A2M: variants seen among roughly 807,000 people sequenced by gnomAD.
A2M encodes the protein alpha-2-macroglobulin.
A2M carries 128 observed loss-of-function variants against 183.9 expected under a neutral mutation model. The observed-to-expected ratio is 0.70, with a 90% confidence interval of 0.60 to 0.81. A2M has a LOEUF of 0.81. Ranked by LOEUF, A2M falls within the 30% of genes least tolerant of loss-of-function variation. The pLI, the probability that A2M is intolerant of heterozygous loss-of-function variation, is 0.00. For synonymous variants in A2M, 592 were observed against 670.8 expected (o/e 0.88, Z 1.81); for missense variants, 1,495 against 1,787.6 (o/e 0.84, Z 2.95).
chr12:9,107,477 A>G (rs751145097), intron 8 of A2M, 47 bp downstream of exon 8: 4 of 1,602,630 alleles, frequency 2.5e-6, no homozygotes, highest in Non-Finnish European at 3.4e-6. Context: ...CTGCTTTTCA[A>G]CAATGCCTTT....
chr12:9,078,858 T>G (rs776476804), intron 25 of A2M, among the ~76,000 whole-genome samples: 1 of 152,324 alleles, frequency 6.6e-6, no homozygotes, highest in Non-Finnish European at 1.5e-5. Context: ...TATTAATGAA[T>G]TCATTCCAAG....
rs1482300294 is a variant in A2M, at chr12:9,104,270, G to T, written c.1235C>A (p.Thr412Asn). ...HGLVQFSINT[T>N]NVMGTSLTVR... Reference sequence around the variant, plus strand: ...AGTAAGAGAGGTACCCATAACATTGGTGGTGTTGATAGAGAACTGTACAAG... The same window carrying T: ...AGTAAGAGAGGTACCCATAACATTGTTGGTGTTGATAGAGAACTGTACAAG... The change falls in exon 11 of 36, where the codon ACC (threonine) becomes AAC (asparagine). Residue 412 changes from threonine (T) to asparagine (N), a missense_variant. Coordinates refer to ENST00000318602, the MANE Select transcript of A2M (RefSeq NM_000014.6). The T allele has an allele frequency of 6.2e-7, 1 of 1,612,802 alleles. No individual in the cohort carries two copies. Among genetic ancestry groups the T allele is most frequent in the Middle Eastern group, 1.6e-4 (1 of 6,062 alleles).
chr12:9,086,767 A>G (rs780216988), intron 22 of A2M, among the ~76,000 whole-genome samples: 1 of 152,378 alleles, frequency 6.6e-6, no homozygotes, highest in South Asian at 2.1e-4. Flanking sequence ...TTTTCAAAGT[A>G]GCACTGGAAG....
chr12:9,080,176 AC>A lies in A2M; in HGVS notation c.2771del (p.Gly924ValfsTer10). On this transcript the variant is annotated frameshift_variant and splice_region_variant, in exon 23 of 36. Transcript: ENST00000318602. LOFTEE classifies it high-confidence loss of function. ...TTFNSLLCPS[G>X]GEVSEELSLK... ...GGGATAATTCTTCAGAAACCTCACC[AC>A]CTAGAGAAATAAGCAAATCAGACAT... The A allele has an allele frequency of 3.2e-6, 5 of 1,571,716 alleles. No individual in the cohort carries two copies. The highest frequency in any genetic ancestry group is 4.3e-6 in the Non-Finnish European group (5 of 1,154,504).
At chr12:9,074,826 A>G in intron 28 of A2M, 43 bp from the exon 29 acceptor site, 1 of 1,543,646 alleles carries the variant, frequency 6.5e-7, no homozygotes, top group Non-Finnish European at 8.8e-7. Context: ...CTACATATTT[A>G]TATTTAATTC....
intron 22 of A2M, among the ~76,000 whole-genome samples, chr12:9,083,107 G>A (rs1484295608): frequency 6.6e-6 from 1 of 152,084 alleles, no homozygotes; most frequent in African/African-American, 2.4e-5. Context: ...GGATGAAGCT[G>A]GAAACCATCA....
chr12:9,099,509 A>G lies in A2M; in HGVS notation c.1573T>C (p.Ser525Pro). The G allele has an allele frequency of 6.2e-7, 1 of 1,608,764 alleles. No homozygotes were observed. The stretch of plus-strand genomic sequence containing the variant: ...TCTGACTTCACAGGGATTGAGATGG[A>G]AAAATGGCCCTTCACTGGGGCACAA... Reference protein sequence around the residue: ...VKQEDMKGHFSISIPVKSDIA... With the variant: ...VKQEDMKGHFPISIPVKSDIA... The change falls in exon 14 of 36, where the codon TCC becomes CCC. Residue 525 changes from serine (S) to proline (P), a missense_variant. Coordinates refer to ENST00000318602, the MANE Select transcript of A2M (RefSeq NM_000014.6).
At chr12:9,088,255 GT>G (rs11384439) in intron 22 of A2M, among the ~76,000 whole-genome samples, 9,719 of 148,090 alleles carry the variant, frequency 0.066, 1,043 homozygotes, top group African/African-American at 0.22. Flanking sequence ...GTGATGTTCT[GT>G]TTTTTTTTTT....
chr12:9,074,637 C>T lies in A2M; in HGVS notation c.3679G>A (p.Asp1227Asn). 1 of 1,613,876 alleles carries T rather than the reference C, an allele frequency of 6.2e-7. No individual in the cohort carries two copies. The change falls in exon 29 of 36, where the codon GAC becomes AAC. Residue 1227 changes from aspartate to asparagine, a missense_variant. By Grantham distance (23) the Asp-to-Asn change is conservative (BLOSUM62 1). Transcript: ENST00000318602. ...ACGATGTTGGTTGCAGAGGTCAGGT[C>T]CTCCGAGGTTGGGGCTGGCTGGGCC... ...LTAQPAPTSE[D>N]LTSATNIVKW...
At chr12:9,091,735 A>G (rs1188732666) in intron 18 of A2M, among the ~76,000 whole-genome samples, 1 of 152,206 alleles carries the variant, frequency 6.6e-6, no homozygotes, top group Admixed American at 6.5e-5. Context: ...GGGCTGCTTT[A>G]TAATTTTAAA....
At chr12:9,098,539 A>G in intron 15 of A2M, 68 bp downstream of exon 15, 1 of 1,513,352 alleles carries the variant, frequency 6.6e-7, no homozygotes, top group South Asian at 1.2e-5. Flanking sequence ...CTACTTATCC[A>G]GTCATTTTTC....
At chr12:9,082,909 A>T (rs1421670427) in intron 22 of A2M, among the ~76,000 whole-genome samples, 1 of 152,220 alleles carries the variant, frequency 6.6e-6, no homozygotes, top group African/African-American at 2.4e-5. Flanking sequence ...TAGCAGCATG[A>T]TTTATAATCC....
chr12:9,110,072 C>G, intron 5 of A2M, 37 bp from the exon 6 acceptor site: 1 of 1,576,806 alleles, frequency 6.3e-7, no homozygotes, highest in Non-Finnish European at 8.6e-7. Flanking sequence ...ACAAAAGCAC[C>G]TGGAGCATTG....
chr12:9,112,430 T>C lies in A2M; in HGVS notation c.377A>G (p.Asp126Gly). ...GTCTGTCTGGACAAAGACCAGACTG[T>C]CCTCGTTCTTAACCATCACTGTGGT... ...KRTTVMVKNE[D>G]SLVFVQTDKS... Residue 126 changes from aspartate (D) to glycine (G), a missense_variant, in exon 3 of 36, where the codon GAC becomes GGC. Transcript: ENST00000318602. 6.2e-7 allele frequency: 1 copy of C among 1,613,956 alleles called. No individual in the cohort carries two copies.
chr12:9,100,912 AG>A (rs1394315381), intron 13 of A2M, among the ~76,000 whole-genome samples: 3 of 152,182 alleles, frequency 2.0e-5, no homozygotes, highest in South Asian at 2.1e-4. Context: ...GAAGGGTGGA[AG>A]GGGGTGAGGG....
At position 9,074,570 on chromosome 12, in the gene A2M, G is replaced by C. The variant is rs776642050; in HGVS notation, c.3746C>G (p.Ser1249Cys). Residue 1249 changes from serine (S) to cysteine (C), a missense_variant, in exon 29 of 36, where the codon TCC becomes TGC. Ser to Cys is a moderately radical substitution (Grantham distance 112). Transcript: ENST00000318602. ...TKQQNAQGGFSSTQDTVVALH... is the reference protein window; with the variant it reads ...TKQQNAQGGFCSTQDTVVALH... ...TGGCAAATCACCAACCTGGGTGGAG[G>C]AGAAACCGCCCTGGGCATTCTGCTG... 14 of 1,610,450 alleles carry C rather than the reference G, an allele frequency of 8.7e-6. No homozygotes were observed. The highest frequency in any genetic ancestry group is 1.2e-5 in the Non-Finnish European group (14 of 1,178,236).
intron 18 of A2M, among the ~76,000 whole-genome samples, chr12:9,092,726 G>A (rs183930314): frequency 1.3e-5 from 2 of 152,268 alleles, no homozygotes; most frequent in Non-Finnish European, 1.5e-5. Context: ...ATTTTAAAAT[G>A]GAAACTACCA....
In A2M at chr12:9,067,954, G is replaced by A. The variant is rs1056045198; in HGVS notation, c.4409-115C>T. ...CCCAAGGAAACCTAATCAGTACAGT[G>A]GGAAACCAAATCTATTCCAAATCAT... is the stretch of plus-strand genomic sequence containing the variant. On this transcript the variant is annotated intron_variant, in intron 35 of 35. Transcript: ENST00000318602. 2.3e-5 allele frequency: 25 copies of A among 1,100,166 alleles called. No individual in the cohort carries two copies. In the African/African-American group the frequency reaches 3.7e-4, roughly 16 times the overall value. The allele number at this position is 1,100,166 out of a possible 1,614,324, so 68.2% of individuals were successfully genotyped here. A position where few individuals can be genotyped will look rare whatever the true frequency, so the allele number is the denominator to read the frequency against.
At chr12:9,072,916 G>C (rs1244646254) in intron 29 of A2M, 45 bp from the exon 30 acceptor site, 2 of 1,501,370 alleles carry the variant, frequency 1.3e-6, no homozygotes, top group African/African-American at 1.4e-5. Flanking sequence ...GCATTATAAG[G>C]CTTTGAGGGC....
Sources: gnomAD v4.1 joint callset for allele counts (sites outside exome capture counted in the v4.1 genomes callset) on GRCh38, gnomAD v4.1.1 for gene constraint, MANE v1.5 for transcripts, NCBI Gene and HGNC (gene_info 2026-07-23, HGNC 2026-07-21) for gene names.